The following PLEKHA5 variants were observed in gnomAD, a reference collection of about 807,000 sequenced individuals.
The protein encoded by PLEKHA5 is pleckstrin homology domain-containing family A member 5.
PLEKHA5 carries 55 observed loss-of-function variants against 181.9 expected under a neutral mutation model. The observed-to-expected ratio is 0.30, with a 90% CI of 0.24 to 0.38. The LOEUF (loss-of-function observed/expected upper bound fraction) is 0.38, where lower values mean the gene tolerates loss of function less well. PLEKHA5 is among the 10% of genes least tolerant of loss of function. The pLI is 1.00. For synonymous variants in PLEKHA5, 535 were observed against 529.4 expected (o/e 1.01, Z -0.15); for missense variants, 1,432 against 1,549.5 (o/e 0.92, Z 1.27).
Position 19,178,501 on chromosome 12 carries a change from T to G in PLEKHA5, c.227+46051T>G, listed in dbSNP as rs78011313. Among the ~76,000 whole-genome samples the G allele has an allele frequency of 3.9e-3, 597 of 152,318 alleles. 4 individuals are homozygous for G. Among genetic ancestry groups the G allele is most frequent in the South Asian group, 0.036 (176 of 4,828 alleles). On this transcript the variant is annotated intron_variant, in intron 3 of 31. Transcript: ENST00000429027. ...TCCAAGTAGGTAGTTAATTTTATCC[T>G]TAGTTTTCATGATTGAAGTAATAAC...
intron 3 of PLEKHA5, among the ~76,000 whole-genome samples, chr12:19,221,878 A>G (rs945946759): frequency 1.3e-5 from 2 of 152,188 alleles, no homozygotes; most frequent in African/African-American, 4.8e-5. Flanking sequence ...AGACATGATG[A>G]CTAAATGTAA....
At chr12:19,338,474 C>A (rs2093627553) in intron 21 of PLEKHA5, among the ~76,000 whole-genome samples, 1 of 151,894 alleles carries the variant, frequency 6.6e-6, no homozygotes, top group Non-Finnish European at 1.5e-5. Context: ...CAAAAATTAG[C>A]TGGGCACTTG....
intron 3 of PLEKHA5, among the ~76,000 whole-genome samples, chr12:19,135,668 T>A (rs2035396121): frequency 1.3e-5 from 2 of 152,278 alleles, no homozygotes; most frequent in South Asian, 4.2e-4. Context: ...ATACATATCT[T>A]CATGTAAACA....
At chr12:19,333,071 G>A (rs925264791) in intron 20 of PLEKHA5, among the ~76,000 whole-genome samples, 9 of 152,156 alleles carry the variant, frequency 5.9e-5, no homozygotes, top group African/African-American at 2.2e-4. Flanking sequence ...GATCACCTGA[G>A]GTCAGGAGTT....
chr12:19,298,082 C>T (rs1224330157), intron 15 of PLEKHA5, among the ~76,000 whole-genome samples: 2 of 151,962 alleles, frequency 1.3e-5, no homozygotes, highest in African/African-American at 4.8e-5. Context: ...GTGCGTACCA[C>T]CCGCTACTTG....
At chr12:19,217,463 T>G (rs1221059010) in intron 3 of PLEKHA5, among the ~76,000 whole-genome samples, 1 of 152,212 alleles carries the variant, frequency 6.6e-6, no homozygotes, top group Non-Finnish European at 1.5e-5. Context: ...CTTAATAAAT[T>G]TTAATTGTGC....
intron 30 of PLEKHA5, among the ~76,000 whole-genome samples, chr12:19,367,491 G>A (rs1565673248): frequency 6.6e-6 from 1 of 151,296 alleles, no homozygotes; most frequent in African/African-American, 2.4e-5. Context: ...CTGACCTCAG[G>A]TGATCCACCC....
chr12:19,146,493 G>GT (rs1444584706), intron 3 of PLEKHA5, among the ~76,000 whole-genome samples: 4 of 152,114 alleles, frequency 2.6e-5, no homozygotes, highest in African/African-American at 9.7e-5. Context: ...CAAATAAAAA[G>GT]TTTTTGAGTA....
At chr12:19,254,274 T>C (rs1249595903) in intron 4 of PLEKHA5, among the ~76,000 whole-genome samples, 1 of 152,166 alleles carries the variant, frequency 6.6e-6, no homozygotes, top group African/African-American at 2.4e-5. Flanking sequence ...GGATGCAAGC[T>C]TAGAGAAACT....
chr12:19,215,238 A>G (rs1443888082), intron 3 of PLEKHA5, among the ~76,000 whole-genome samples: 25 of 152,148 alleles, frequency 1.6e-4, no homozygotes, highest in Admixed American at 1.4e-3. Context: ...CTTTTGCACT[A>G]CTTGGAACTT....
At chr12:19,203,510 G>A (rs1455245384) in intron 3 of PLEKHA5, among the ~76,000 whole-genome samples, 2 of 151,998 alleles carry the variant, frequency 1.3e-5, no homozygotes, top group Non-Finnish European at 2.9e-5. Context: ...GCCTTGACCT[G>A]GCTGTTTCCT....
At chr12:19,275,311 C>T (rs563950557) in intron 11 of PLEKHA5, among the ~76,000 whole-genome samples, 74 of 152,180 alleles carry the variant, frequency 4.9e-4, no homozygotes, top group African/African-American at 1.7e-3. Context: ...TGTCCCCTGC[C>T]ATTATCACCT....
intron 29 of PLEKHA5, among the ~76,000 whole-genome samples, 169 bp downstream of exon 29, chr12:19,361,875 A>G (rs2095254341): frequency 6.6e-6 from 1 of 152,154 alleles, no homozygotes; most frequent in Non-Finnish European, 1.5e-5. Context: ...CCTCACTTGT[A>G]AAAATGGCAA....
chr12:19,193,574 C>T (rs959722672), intron 3 of PLEKHA5, among the ~76,000 whole-genome samples: 1 of 151,940 alleles, frequency 6.6e-6, no homozygotes, highest in Non-Finnish European at 1.5e-5. Flanking sequence ...AAAATCAGGG[C>T]CTTCAGTGTG....
chr12:19,228,510 T>A (rs949520667), intron 3 of PLEKHA5, among the ~76,000 whole-genome samples: 1 of 152,218 alleles, frequency 6.6e-6, no homozygotes, highest in African/African-American at 2.4e-5. Context: ...TGTCAGACAC[T>A]ATTGTTGTAA....
intron 3 of PLEKHA5, chr12:19,152,734 C>T (rs1379377658): frequency 6.6e-6 from 1 of 152,114 alleles, no homozygotes; most frequent in African/African-American, 2.4e-5. Flanking sequence ...AAGCACTGCA[C>T]ATGATACTCA....
chr12:19,163,515 T>C (rs574017541), intron 3 of PLEKHA5, among the ~76,000 whole-genome samples: 9 of 152,274 alleles, frequency 5.9e-5, no homozygotes, highest in Admixed American at 3.3e-4. Flanking sequence ...TCCGCCATAC[T>C]GTGGAGGCCC....
chr12:19,214,723 T>A (rs1479308974), intron 3 of PLEKHA5, among the ~76,000 whole-genome samples: 1 of 152,004 alleles, frequency 6.6e-6, no homozygotes, highest in African/African-American at 2.4e-5. Flanking sequence ...AATTTTAGAA[T>A]AGCTGCTAAA....
intron 3 of PLEKHA5, among the ~76,000 whole-genome samples, chr12:19,253,362 A>G (rs1592215156): frequency 6.6e-6 from 1 of 151,712 alleles, no homozygotes; most frequent in East Asian, 2.0e-4. Context: ...GGCGTGAGCC[A>G]TGGCACCTGG....
Sources: allele counts gnomAD v4.1 joint callset (sites outside exome capture counted in the v4.1 genomes callset), GRCh38; gene constraint gnomAD v4.1.1; transcripts MANE v1.5; gene names NCBI Gene and HGNC (gene_info 2026-07-23, HGNC 2026-07-21).